DESI1: variants seen among roughly 807,000 people sequenced by gnomAD.
DESI1 encodes the protein desumoylating isopeptidase 1, also known as PPPDE peptidase domain containing 2.
In DESI1, 17 loss-of-function variants were observed where a neutral mutation model predicts 22.4. The ratio of observed to expected loss-of-function variants is 0.76; its 90% CI spans 0.52 to 1.14. The LOEUF (loss-of-function observed/expected upper bound fraction) is 1.14, where lower values mean the gene tolerates loss of function less well. DESI1 is among the 50% of genes most tolerant of loss of function. The pLI, the probability that DESI1 is intolerant of heterozygous loss-of-function variation, is 0.00. For missense variants in DESI1, 177 were observed against 208.9 expected, an observed-to-expected ratio of 0.85 and a Z score of 0.94; for synonymous variants, 92 against 84.2, an observed-to-expected ratio of 1.09 and a Z score of -0.51.
At chr22:41,604,012 C>G (rs1365188059) in intron 4 of DESI1, 32 bp downstream of exon 4, 1 of 1,587,142 alleles carries the variant, frequency 6.3e-7, no homozygotes, top group African/African-American at 1.3e-5. Flanking sequence ...GGGAGACAGA[C>G]ACAACTAACC....
At chr22:41,614,161 C>T (rs1269626341) in intron 1 of DESI1, among the ~76,000 whole-genome samples, 1 of 151,980 alleles carries the variant, frequency 6.6e-6, no homozygotes, top group Non-Finnish European at 1.5e-5. Flanking sequence ...CTCAGCCTCC[C>T]GAGTAGCTGG....
At chr22:41,605,819 A>G (rs892501881) in intron 3 of DESI1, among the ~76,000 whole-genome samples, 8 of 152,218 alleles carry the variant, frequency 5.3e-5, no homozygotes, top group Non-Finnish European at 1.0e-4. Context: ...CAGAATGCCA[A>G]CAGTACGTAT....
intron 1 of DESI1, among the ~76,000 whole-genome samples, chr22:41,616,857 A>T (rs1026015854): frequency 6.6e-6 from 1 of 152,212 alleles, no homozygotes; most frequent in Admixed American, 6.5e-5. Context: ...TGCTTCAGGA[A>T]AGGGGAATTA....
At position 41,601,047 on chromosome 22, in the gene DESI1, G is replaced by C; in HGVS notation, c.*50C>G. 1 of 1,513,194 alleles carries C rather than the reference G, an allele frequency of 6.6e-7. No individual in the cohort carries two copies. Among genetic ancestry groups the C allele is most frequent in the Non-Finnish European group, 9.1e-7 (1 of 1,098,672 alleles). 93.7% of individuals were successfully genotyped at this position (1,513,194 alleles called of 1,614,324 possible). ...ATAGAAATCTGGTAGGGTTTGTTTT[G>C]TTTAAAAAGGAAAAGCCCTGGTGAG... On this transcript the variant is annotated 3_prime_UTR_variant, in exon 6 of 6. Coordinates refer to ENST00000263256, the MANE Select transcript of DESI1 (RefSeq NM_015704.3).
Position 41,620,832 on chromosome 22 carries a change from G to A in DESI1, c.8C>T (p.Pro3Leu), listed in dbSNP as rs1028536834. ME[P>L]PNLYPVKLYV... ...GAGCTTCACCGGATAGAGATTCGGC[G>A]GCTCCATTGGGACCCGTGGCGACGG... Residue 3 changes from proline (P) to leucine (L), a missense_variant, in exon 1 of 6, where the codon CCG becomes CTG. By Grantham distance (98) the Pro-to-Leu change is moderately conservative (BLOSUM62 -3). Coordinates refer to ENST00000263256, the MANE Select transcript of DESI1 (RefSeq NM_015704.3). The A allele has an allele frequency of 1.2e-6, 2 of 1,608,728 alleles. No individual in the cohort carries two copies. The highest frequency in any genetic ancestry group is 1.7e-6 in the Non-Finnish European group (2 of 1,177,660).
intron 1 of DESI1, among the ~76,000 whole-genome samples, chr22:41,610,687 A>T (rs755674635): frequency 6.6e-6 from 1 of 151,784 alleles, no homozygotes; most frequent in Non-Finnish European, 1.5e-5. Context: ...AGCCTGGCCA[A>T]CATGATGAAA....
At chr22:41,612,630 C>G (rs2067524688) in intron 1 of DESI1, among the ~76,000 whole-genome samples, 1 of 147,574 alleles carries the variant, frequency 6.8e-6, no homozygotes, top group African/African-American at 2.5e-5. Flanking sequence ...GGGTCTTGCT[C>G]TGCTACTCAG....
Position 41,604,083 on chromosome 22 carries a change from A to G in DESI1, c.251T>C (p.Phe84Ser). The G allele has an allele frequency of 6.2e-7, 1 of 1,613,846 alleles. No homozygotes were observed. The highest frequency in any genetic ancestry group is 8.5e-7 in the Non-Finnish European group (1 of 1,179,972). Residue 84 changes from phenylalanine to serine, a missense_variant, in exon 4 of 6, where the codon TTT becomes TCT. Transcript: ENST00000263256. ...CCCCAGGGAGGAGAGGTACTCCAGA[A>G]AGATTTCTTCTGTGACTTCTGTACT... ...VGSTEVTEEI[F>S]LEYLSSLGES...
At chr22:41,608,266 A>G (rs147236644) in intron 1 of DESI1, among the ~76,000 whole-genome samples, 5 of 152,316 alleles carry the variant, frequency 3.3e-5, no homozygotes, top group African/African-American at 1.2e-4. Flanking sequence ...AACTTTGCAA[A>G]TGCTATCCAT....
intron 1 of DESI1, among the ~76,000 whole-genome samples, chr22:41,610,638 C>T (rs372062082): frequency 1.3e-5 from 2 of 151,846 alleles, no homozygotes; most frequent in South Asian, 2.1e-4. Context: ...ACAAGTGGGC[C>T]GGGCGTGGTG....
chr22:41,603,032 T>C, intron 5 of DESI1: 1 of 687,968 alleles, frequency 1.5e-6, no homozygotes, highest in Non-Finnish European at 2.3e-6. Flanking sequence ...GTCTAAGTTC[T>C]GTGGTTGCAC....
At chr22:41,603,002 G>A (rs2067458026) in intron 5 of DESI1, 7 of 608,910 alleles carry the variant, frequency 1.1e-5, no homozygotes, top group Non-Finnish European at 1.8e-5. Context: ...TGCAAGTACT[G>A]AAGCCAGTGT....
At chr22:41,613,236 C>T (rs1434670129) in intron 1 of DESI1, among the ~76,000 whole-genome samples, 3 of 152,102 alleles carry the variant, frequency 2.0e-5, no homozygotes, top group East Asian at 1.9e-4. Context: ...TTCTATTGGA[C>T]GCACTGTTTA....
At position 41,615,511 on chromosome 22, in the gene DESI1, GA is replaced by G. The variant is rs1379299275; in HGVS notation, c.88+5240del. On this transcript the variant is annotated intron_variant, in intron 1 of 5. Coordinates refer to ENST00000263256, the MANE Select transcript of DESI1 (RefSeq NM_015704.3). ...CCATTTTGCCTTAAAGAAATTGAAT[GA>G]TTATTAAATTAATTCATTAGATGAG... is the stretch of plus-strand genomic sequence containing the variant. 2.0e-5 allele frequency among the ~76,000 whole-genome samples: 3 copies of G among 151,958 alleles called. No individual in the cohort carries two copies. In the South Asian group the frequency reaches 6.2e-4, roughly 32 times the overall value.
chr22:41,606,629 C>G (rs1047263066), intron 3 of DESI1, among the ~76,000 whole-genome samples: 3 of 151,820 alleles, frequency 2.0e-5, no homozygotes, highest in African/African-American at 7.3e-5. Context: ...AAAAAATTAG[C>G]TGGGTGTAGT....
chr22:41,616,650 T>TTGGTGAC (rs1384576810), intron 1 of DESI1, among the ~76,000 whole-genome samples: 2 of 151,774 alleles, frequency 1.3e-5, no homozygotes, highest in Non-Finnish European at 2.9e-5. Context: ...TGAAGGACAC[T>TTGGTGAC]TATAATAGCT....
chr22:41,602,906 G>T, intron 5 of DESI1: 2 of 745,570 alleles, frequency 2.7e-6, no homozygotes, highest in Non-Finnish European at 3.5e-6. Context: ...CCCCCTCTCT[G>T]CTTGTCTAAC....
chr22:41,602,585 CATG>C (rs1299922075), intron 5 of DESI1: 3 of 985,444 alleles, frequency 3.0e-6, no homozygotes, highest in Non-Finnish European at 3.6e-6. Flanking sequence ...AGCAAATAGA[CATG>C]GTCCTGGAAT....
At chr22:41,611,988 G>A (rs1307176606) in intron 1 of DESI1, among the ~76,000 whole-genome samples, 2 of 152,120 alleles carry the variant, frequency 1.3e-5, no homozygotes, top group Non-Finnish European at 2.9e-5. Context: ...CACAGGTTCT[G>A]GTGTAGACAG....
Sources: gnomAD v4.1 joint callset for allele counts (sites outside exome capture counted in the v4.1 genomes callset) on GRCh38, gnomAD v4.1.1 for gene constraint, MANE v1.5 for transcripts, NCBI Gene and HGNC (gene_info 2026-07-23, HGNC 2026-07-21) for gene names.